Variants in PLPP7 observed in about 807,000 individuals in gnomAD.
The protein encoded by PLPP7 is inactive phospholipid phosphatase 7.
PLPP7 carries 11 observed loss-of-function variants against 16.9 expected under a neutral mutation model. The observed-to-expected ratio is 0.65, with a 90% CI of 0.41 to 1.08. The LOEUF (loss-of-function observed/expected upper bound fraction) is 1.08. PLPP7 is among the 50% of genes least tolerant of loss of function. PLPP7 has a pLI of 0.00. For synonymous variants in PLPP7, 174 were observed against 175.1 expected (o/e 0.99, Z 0.05); for missense variants, 358 against 397.1 (o/e 0.90, Z 0.84).
chr9:131,300,608 A>G (rs1835786997), intron 1 of PLPP7, among the ~76,000 whole-genome samples: 5 of 151,656 alleles, frequency 3.3e-5, no homozygotes, highest in Admixed American at 6.6e-5. Context: ...TTTGAGCCCA[A>G]AAGTTCAAGG....
At position 131,308,347 on chromosome 9, in the gene PLPP7, G is replaced by C. The variant is rs2131222760; in HGVS notation, c.*60G>C. 3.3e-6 allele frequency: 5 copies of C among 1,502,868 alleles called. No individual in the cohort carries two copies. Among genetic ancestry groups the C allele is most frequent in the Non-Finnish European group, 4.4e-6 (5 of 1,129,034 alleles). The allele number at this position is 1,502,868 out of a possible 1,614,324, so 93.1% of individuals were successfully genotyped here. ...GGGCTGGCCCTAGAGAAGGGGCAGGGGGTGGCGAGGTGGCGGGCGTGGGTG... is the reference window on the plus strand; with the variant it reads ...GGGCTGGCCCTAGAGAAGGGGCAGGCGGTGGCGAGGTGGCGGGCGTGGGTG... On this transcript the variant is annotated 3_prime_UTR_variant, in exon 2 of 2. Transcript: ENST00000372264.
intron 1 of PLPP7, among the ~76,000 whole-genome samples, chr9:131,299,442 C>T (rs920029992): frequency 1.3e-5 from 2 of 152,114 alleles, no homozygotes; most frequent in African/African-American, 4.8e-5. Context: ...TTCTGGGCAC[C>T]AGATGATGCG....
chr9:131,298,445 C>T (rs915638013), intron 1 of PLPP7, among the ~76,000 whole-genome samples: 4 of 152,170 alleles, frequency 2.6e-5, no homozygotes, highest in Non-Finnish European at 2.9e-5. Flanking sequence ...CCAGAAGCCC[C>T]GTCCTTGTTC....
At chr9:131,303,926 C>A (rs551563561) in intron 1 of PLPP7, among the ~76,000 whole-genome samples, 8 of 152,296 alleles carry the variant, frequency 5.3e-5, no homozygotes, top group African/African-American at 1.9e-4. Flanking sequence ...TGAGCTTTGC[C>A]ACCACACTGC....
At chr9:131,298,411 G>A (rs941163742) in intron 1 of PLPP7, among the ~76,000 whole-genome samples, 8 of 152,044 alleles carry the variant, frequency 5.3e-5, no homozygotes, top group Non-Finnish European at 1.0e-4. Context: ...CACAAACCCA[G>A]CCCTTCGCAG....
At chr9:131,293,108 T>C (rs1489381538) in intron 1 of PLPP7, 1 of 322,248 alleles carries the variant, frequency 3.1e-6, no homozygotes, top group Admixed American at 6.5e-5. Flanking sequence ...ATTTTACAGA[T>C]GAGTAAACTG....
chr9:131,291,855 T>G (rs572742546), intron 1 of PLPP7, among the ~76,000 whole-genome samples: 1 of 152,252 alleles, frequency 6.6e-6, no homozygotes, highest in Non-Finnish European at 1.5e-5. Flanking sequence ...GTGCTGGGAT[T>G]ATAGGCATGA....
At position 131,308,595 on chromosome 9, in the gene PLPP7, T is replaced by C; in HGVS notation, c.*308T>C. ...GCTCTGGGAACAGCAAAAATCAGGATGGTGGGAGGGGCCGAGTCTTGTCTT... is the reference window on the plus strand; with the variant it reads ...GCTCTGGGAACAGCAAAAATCAGGACGGTGGGAGGGGCCGAGTCTTGTCTT... On this transcript the variant is annotated 3_prime_UTR_variant, in exon 2 of 2. Transcript: ENST00000372264. The C allele has an allele frequency of 2.5e-6, 1 of 398,716 alleles. No homozygotes were observed. The highest frequency in any genetic ancestry group is 4.6e-6 in the Non-Finnish European group (1 of 216,408). The allele number at this position is 398,716 out of a possible 1,614,324, so 24.7% of individuals were successfully genotyped here. A position where few individuals can be genotyped will look rare whatever the true frequency, so the allele number is the denominator to read the frequency against.
rs536195895 is a variant in PLPP7, at chr9:131,300,863, G to A, written c.452-7060G>A. Among the ~76,000 whole-genome samples the A allele has an allele frequency of 2.7e-3, 418 of 152,146 alleles. 1 individual carries two copies. Among genetic ancestry groups the A allele is most frequent in the African/African-American group, 9.3e-3 (384 of 41,498 alleles). ...AGGTGCTGGGCCCAGTGTACCCCCC[G>A]GGTGACTTAGTAAAGTCAGCCTTTC... On this transcript the variant is annotated intron_variant, in intron 1 of 1. Transcript: ENST00000372264.
intron 1 of PLPP7, among the ~76,000 whole-genome samples, chr9:131,304,441 C>A (rs775857886): frequency 6.6e-6 from 1 of 152,204 alleles, no homozygotes; most frequent in Non-Finnish European, 1.5e-5. Flanking sequence ...TCGAGACCAG[C>A]CTGGCCAACA....
chr9:131,305,126 C>T (rs919954439), intron 1 of PLPP7, among the ~76,000 whole-genome samples: 1 of 152,234 alleles, frequency 6.6e-6, no homozygotes, highest in Non-Finnish European at 1.5e-5. Context: ...CCAGCGACTC[C>T]AGTCCTAGGG....
At chr9:131,300,078 G>A (rs1835779425) in intron 1 of PLPP7, among the ~76,000 whole-genome samples, 1 of 152,222 alleles carries the variant, frequency 6.6e-6, no homozygotes. Flanking sequence ...ATAAAGAATA[G>A]AAGTGTATTT....
rs374436761 is a variant in PLPP7 at position 131,289,993 on chromosome 9, T to A, written c.-5T>A. 11 of 1,426,608 alleles carry A rather than the reference T, an allele frequency of 7.7e-6. No individual in the cohort carries two copies. The African/African-American group carries it at 1.5e-4, about 19-fold the overall frequency. 88.4% of individuals were successfully genotyped at this position (1,426,608 alleles called of 1,614,324 possible). On this transcript the variant is annotated 5_prime_UTR_variant, in exon 1 of 2. Transcript: ENST00000372264. ...ATCGGCCTTCTCGGGGTGAGCGAGG[T>A]CACCATGCCAGCTTCCCAGAGCCGG... is the stretch of plus-strand genomic sequence containing the variant.
chr9:131,307,170 C>T (rs561289563), intron 1 of PLPP7, among the ~76,000 whole-genome samples: 53 of 151,152 alleles, frequency 3.5e-4, no homozygotes, highest in Middle Eastern at 6.9e-3. Flanking sequence ...TCCTTGAACC[C>T]AGGAGGTGGA....
At chr9:131,305,995 T>C (rs969046662) in intron 1 of PLPP7, among the ~76,000 whole-genome samples, 3 of 151,618 alleles carry the variant, frequency 2.0e-5, no homozygotes, top group African/African-American at 7.3e-5. Context: ...CCCAGCACTT[T>C]GGGAGGCCAA....
intron 1 of PLPP7, among the ~76,000 whole-genome samples, chr9:131,298,348 C>A (rs1414287669): frequency 6.6e-6 from 1 of 152,172 alleles, no homozygotes; most frequent in South Asian, 2.1e-4. Flanking sequence ...GACTTCCCAG[C>A]CCAGGAGCAC....
At chr9:131,292,734 C>A in intron 1 of PLPP7, 4 of 960,126 alleles carry the variant, frequency 4.2e-6, no homozygotes, top group African/African-American at 1.8e-5. Flanking sequence ...GGTATGCAAG[C>A]AAGCTGCCTC....
intron 1 of PLPP7, among the ~76,000 whole-genome samples, chr9:131,304,656 A>T (rs530144863): frequency 8.7e-4 from 133 of 152,114 alleles, no homozygotes; most frequent in Non-Finnish European, 1.4e-3. Flanking sequence ...GAAAAAGAAA[A>T]GGAAGGAAAG....
intron 1 of PLPP7, among the ~76,000 whole-genome samples, chr9:131,299,683 C>T (rs1318307727): frequency 6.6e-6 from 1 of 152,164 alleles, no homozygotes; most frequent in Non-Finnish European, 1.5e-5. Context: ...AAGCCACGCA[C>T]CCCGTCACAC....
Sources: allele counts gnomAD v4.1 joint callset (sites outside exome capture counted in the v4.1 genomes callset), GRCh38; gene constraint gnomAD v4.1.1; transcripts MANE v1.5; gene names NCBI Gene and HGNC (gene_info 2026-07-23, HGNC 2026-07-21).